The following MED13L variants were observed in gnomAD, a reference collection of about 807,000 sequenced individuals.
MED13L encodes the protein mediator complex subunit 13L, also known as mediator of RNA polymerase II transcription subunit 13-like.
MED13L carries 7 observed loss-of-function variants against 220.9 expected under a neutral mutation model. The ratio of observed to expected loss-of-function variants is 0.03; its 90% CI spans 0.02 to 0.06. The LOEUF (loss-of-function observed/expected upper bound fraction) is 0.06. Ranked by LOEUF, MED13L falls within the 10% of genes least tolerant of loss-of-function variation. MED13L has a pLI of 1.00. For missense variants in MED13L, 1,965 were observed against 2,760.5 expected, an observed-to-expected ratio of 0.71 and a Z score of 6.46; for synonymous variants, 1,011 against 1,015.2, an observed-to-expected ratio of 1.00 and a Z score of 0.08.
intron 1 of MED13L, among the ~76,000 whole-genome samples, chr12:116,271,143 A>G (rs565962600): frequency 5.3e-5 from 8 of 151,976 alleles, no homozygotes; most frequent in African/African-American, 1.9e-4. Context: ...AAATTCCAAG[A>G]ACACATACAA....
chr12:116,080,947 C>G (rs539693705), intron 4 of MED13L, among the ~76,000 whole-genome samples: 4 of 152,250 alleles, frequency 2.6e-5, no homozygotes. Context: ...CGAAGGTATT[C>G]CTAGGGCACT....
intron 2 of MED13L, among the ~76,000 whole-genome samples, chr12:116,183,501 A>G (rs1460267805): frequency 6.6e-6 from 1 of 152,198 alleles, no homozygotes; most frequent in Non-Finnish European, 1.5e-5. Context: ...TAAAATATCA[A>G]ATATCAAATT....
At chr12:116,248,464 A>G (rs1871258560) in intron 1 of MED13L, among the ~76,000 whole-genome samples, 1 of 152,178 alleles carries the variant, frequency 6.6e-6, no homozygotes, top group African/African-American at 2.4e-5. Flanking sequence ...CAAATATCAA[A>G]GGGCTAATTG....
chr12:116,236,820 C>T (rs1019712846), intron 2 of MED13L: 4 of 979,626 alleles, frequency 4.1e-6, no homozygotes, highest in Non-Finnish European at 4.8e-6. Context: ...GAAACTCTTA[C>T]ATTAATTCAG....
chr12:115,984,118 G>T, intron 20 of MED13L, 62 bp downstream of exon 20: 1 of 1,509,196 alleles, frequency 6.6e-7, no homozygotes, highest in Non-Finnish European at 9.1e-7. Flanking sequence ...TAAAAGAAGG[G>T]ATGGGACGGA....
rs767278412 is a variant in MED13L, at chr12:115,991,953, C to T, written c.3001G>A (p.Val1001Met). The change falls in exon 17 of 31, where the codon GTG becomes ATG. Residue 1001 changes from valine (V) to methionine (M), a missense_variant. Val to Met is a conservative substitution (Grantham distance 21, BLOSUM62 1). This residue lies in a region of MED13L where 233 missense variants were observed against 306.2 expected (regional missense o/e 0.76). Transcript: ENST00000281928. The surrounding 1 kb of genome is among the most constrained non-coding windows in gnomAD (Gnocchi z 7.7). ...ATFIRDGYNN[V>M]PSVGSLADPD... ...TCTGCTAGGCTCCCAACACTAGGCACGTTACTACAAAAAGAGAAGGCACCA... is the reference window on the plus strand; with the variant it reads ...TCTGCTAGGCTCCCAACACTAGGCATGTTACTACAAAAAGAGAAGGCACCA... 3 of 1,598,986 alleles carry T rather than the reference C, an allele frequency of 1.9e-6. No homozygotes were observed. The highest frequency in any genetic ancestry group is 2.5e-6 in the Non-Finnish European group (3 of 1,179,636).
At chr12:116,144,118 TC>T (rs1341377405) in intron 2 of MED13L, among the ~76,000 whole-genome samples, 2 of 152,156 alleles carry the variant, frequency 1.3e-5, no homozygotes, top group Non-Finnish European at 2.9e-5. Context: ...GCTGAGAAAT[TC>T]CTGCTATTTC....
At chr12:116,068,494 T>C (rs956727180) in intron 4 of MED13L, among the ~76,000 whole-genome samples, 5 of 152,204 alleles carry the variant, frequency 3.3e-5, no homozygotes, top group Non-Finnish European at 5.9e-5. Flanking sequence ...TAAAGGATTA[T>C]TGGGCACAAA....
intron 7 of MED13L, among the ~76,000 whole-genome samples, chr12:116,018,333 A>G (rs1352684802): frequency 3.3e-5 from 5 of 152,164 alleles, no homozygotes; most frequent in African/African-American, 1.2e-4. Context: ...ATGCCCACTA[A>G]TTGCCAAGAA....
intron 2 of MED13L, among the ~76,000 whole-genome samples, chr12:116,229,685 C>G (rs984201716): frequency 2.6e-5 from 4 of 152,108 alleles, no homozygotes; most frequent in Non-Finnish European, 5.9e-5. Context: ...AATTCTTCAT[C>G]TGAAAGAACT....
Position 115,983,314 on chromosome 12 carries a change from C to T in MED13L, c.4758G>A (p.Pro1586=), listed in dbSNP as rs141818426. The T allele has an allele frequency of 4.8e-4, 770 of 1,614,116 alleles. 7 individuals are homozygous for T. The East Asian group carries it at 0.012, about 24-fold the overall frequency. The change falls in exon 21 of 31, where the codon CCG becomes CCA. Residue 1586 remains proline, a synonymous_variant. Transcript: ENST00000281928. The stretch of plus-strand genomic sequence containing the variant: ...CAGGAGCAGAGGCAGACGATGAGAC[C>T]GGTGGCACAGAGGAACCAGATGCAG... ...SSSASGSSVP[P]VSSSASAPGI...
rs959025073 is a variant in MED13L at position 115,996,341 on chromosome 12, C to T, written c.2996+135G>A. ...TCCTGACCTCAAGTGATCTGCCCGCCTCCACCTCCCAAAGTGCTGGGATTA... is the reference window on the plus strand; with the variant it reads ...TCCTGACCTCAAGTGATCTGCCCGCTTCCACCTCCCAAAGTGCTGGGATTA... On this transcript the variant is annotated intron_variant, in intron 16 of 30. Coordinates refer to ENST00000281928, the MANE Select transcript of MED13L (RefSeq NM_015335.5). 1.3e-5 allele frequency: 13 copies of T among 978,644 alleles called. No individual in the cohort carries two copies. The South Asian group carries it at 1.7e-4, about 13-fold the overall frequency. The allele number at this position is 978,644 out of a possible 1,614,324, so 60.6% of individuals were successfully genotyped here.
chr12:116,025,170 C>T (rs1880312296), intron 4 of MED13L, among the ~76,000 whole-genome samples: 1 of 152,036 alleles, frequency 6.6e-6, no homozygotes, highest in African/African-American at 2.4e-5. Context: ...AAATCAAAAT[C>T]GCAGTAAGAT....
At chr12:115,985,307 C>T (rs1055215811) in intron 19 of MED13L, among the ~76,000 whole-genome samples, 1 of 152,162 alleles carries the variant, frequency 6.6e-6, no homozygotes, top group African/African-American at 2.4e-5. Context: ...AGACACTGTT[C>T]AGAAATGAAT....
chr12:116,241,340 A>AC lies in MED13L; in HGVS notation c.73-3636_73-3635insG, dbSNP rs1279025590. 2.0e-3 allele frequency among the ~76,000 whole-genome samples: 306 copies of AC among 151,292 alleles called. 3 individuals are homozygous for AC. The East Asian group carries it at 0.028, about 14-fold the overall frequency. On this transcript the variant is annotated intron_variant, in intron 1 of 30. Coordinates refer to ENST00000281928, the MANE Select transcript of MED13L (RefSeq NM_015335.5). ...AACAAAAAACAAAAAAACAAAAAAA[A>AC]AACACACACACACACACACACAATA...
At chr12:116,267,099 A>G (rs1005738459) in intron 1 of MED13L, among the ~76,000 whole-genome samples, 1 of 152,224 alleles carries the variant, frequency 6.6e-6, no homozygotes, top group African/African-American at 2.4e-5. Flanking sequence ...AAGTTCAAAG[A>G]GCACTCCAGA....
intron 2 of MED13L, among the ~76,000 whole-genome samples, chr12:116,152,056 C>A (rs1878078169): frequency 1.3e-5 from 2 of 152,098 alleles, no homozygotes; most frequent in South Asian, 4.1e-4. Flanking sequence ...TTTCACTGAT[C>A]CTGTCTTTTA....
At chr12:116,158,385 A>G (rs1466308351) in intron 2 of MED13L, among the ~76,000 whole-genome samples, 1 of 152,112 alleles carries the variant, frequency 6.6e-6, no homozygotes, top group Non-Finnish European at 1.5e-5. Context: ...TTAGTATTCA[A>G]AGAAAATATC....
At position 116,070,618 on chromosome 12, in the gene MED13L, A is replaced by T. The variant is rs114767006; in HGVS notation, c.479+26051T>A. Among the ~76,000 whole-genome samples, 1,222 of 152,310 alleles carry T rather than the reference A, an allele frequency of 8.0e-3. 25 individuals are homozygous for T. The highest frequency in any genetic ancestry group is 0.027 in the African/African-American group (1,132 of 41,560). On this transcript the variant is annotated intron_variant, in intron 4 of 30. Coordinates refer to ENST00000281928, the MANE Select transcript of MED13L (RefSeq NM_015335.5). ...AAAACACTCGCCTAGCACCTAACAT[A>T]GTGATGAAAATTATGATAAACCACA...
Sources: gnomAD v4.1 joint callset for allele counts (sites outside exome capture counted in the v4.1 genomes callset) on GRCh38, gnomAD v4.1.1 for gene constraint, gnomAD v4.1.1 regional missense constraint, Gnocchi (gnomAD v3.1) non-coding constraint, MANE v1.5 for transcripts, NCBI Gene and HGNC (gene_info 2026-07-23, HGNC 2026-07-21) for gene names.